Variants in PRTFDC1 observed in about 807,000 individuals in gnomAD.
PRTFDC1 encodes phosphoribosyltransferase domain-containing protein 1.
PRTFDC1 carries 38 observed loss-of-function variants against 34.6 expected under a neutral mutation model. The observed-to-expected ratio is 1.10, with a 90% CI of 0.85 to 1.44. The LOEUF is 1.44. Among genes scored for constraint, PRTFDC1 ranks in the 40% most tolerant of loss-of-function variants. The pLI, the probability that PRTFDC1 is intolerant of heterozygous loss-of-function variation, is 0.00. For synonymous variants in PRTFDC1, 93 were observed against 98.1 expected, an observed-to-expected ratio of 0.95 and a Z score of 0.31; for missense variants, 270 against 283.0, an observed-to-expected ratio of 0.95 and a Z score of 0.33.
At chr10:24,851,926 G>A (rs1452384649) in intron 7 of PRTFDC1, among the ~76,000 whole-genome samples, 1 of 151,934 alleles carries the variant, frequency 6.6e-6, no homozygotes, top group Non-Finnish European at 1.5e-5. Context: ...TTCTCCCGCT[G>A]TACTCAGTGT....
intron 4 of PRTFDC1, among the ~76,000 whole-genome samples, chr10:24,859,468 C>T (rs750155793): frequency 5.3e-5 from 8 of 152,146 alleles, no homozygotes; most frequent in South Asian, 2.1e-4. Context: ...CCATGTTGGC[C>T]AGGCTGAGCT....
intron 4 of PRTFDC1, 93 bp downstream of exon 4, chr10:24,871,905 A>T: frequency 9.5e-7 from 1 of 1,055,334 alleles, no homozygotes; most frequent in Non-Finnish European, 1.4e-6. Flanking sequence ...ACCCGGGAGC[A>T]TGTCTGAAAT....
chr10:24,919,786 TA>T (rs201829359), intron 3 of PRTFDC1, among the ~76,000 whole-genome samples: 38 of 149,094 alleles, frequency 2.5e-4, no homozygotes, highest in Admixed American at 6.0e-4. Context: ...AAATTTACAT[TA>T]AAAAAAAACC....
chr10:24,920,698 AT>A (rs909271461), intron 3 of PRTFDC1, among the ~76,000 whole-genome samples: 1 of 151,390 alleles, frequency 6.6e-6, no homozygotes, highest in East Asian at 1.9e-4. Flanking sequence ...ATAAAATTCA[AT>A]TTTTTTTTCA....
At chr10:24,923,329 C>T (rs546962367) in intron 3 of PRTFDC1, among the ~76,000 whole-genome samples, 77 of 152,322 alleles carry the variant, frequency 5.1e-4, no homozygotes, top group African/African-American at 1.8e-3. Context: ...GCTCTGAGAA[C>T]GGACAGACTG....
chr10:24,860,247 G>C (rs1196972553), intron 4 of PRTFDC1, among the ~76,000 whole-genome samples: 1 of 152,092 alleles, frequency 6.6e-6, no homozygotes, highest in East Asian at 1.9e-4. Context: ...TGGGTGTGGT[G>C]GTAGGTGACT....
intron 4 of PRTFDC1, among the ~76,000 whole-genome samples, chr10:24,862,246 C>A (rs1278088025): frequency 6.6e-6 from 1 of 152,110 alleles, no homozygotes; most frequent in African/African-American, 2.4e-5. Context: ...ACTATATATT[C>A]AAATTTCCCC....
chr10:24,902,753 C>T (rs890990599), intron 3 of PRTFDC1, among the ~76,000 whole-genome samples: 1 of 152,186 alleles, frequency 6.6e-6, no homozygotes. Context: ...AGTTAGATTT[C>T]CTTCTTCCTC....
intron 3 of PRTFDC1, among the ~76,000 whole-genome samples, chr10:24,875,846 GTTTTTTTTTTT>G (rs61379088): frequency 1.0e-5 from 1 of 96,732 alleles, no homozygotes; most frequent in Non-Finnish European, 1.9e-5. Context: ...AATTCTCATA[GTTTTTTTTTTT>G]TTTTTTTTTT....
chr10:24,936,965 C>T (rs565811424), intron 3 of PRTFDC1, among the ~76,000 whole-genome samples: 1 of 152,236 alleles, frequency 6.6e-6, no homozygotes, highest in African/African-American at 2.4e-5. Context: ...TGAGTCTTCC[C>T]ATATATGTGA....
chr10:24,862,615 T>C (rs1847699937), intron 4 of PRTFDC1, among the ~76,000 whole-genome samples: 1 of 152,106 alleles, frequency 6.6e-6, no homozygotes, highest in African/African-American at 2.4e-5. Context: ...CCTCAGGTGA[T>C]CTGCCCCTCT....
intron 3 of PRTFDC1, among the ~76,000 whole-genome samples, chr10:24,934,687 G>T (rs970605838): frequency 6.6e-6 from 1 of 152,098 alleles, no homozygotes; most frequent in African/African-American, 2.4e-5. Flanking sequence ...GCTTCTAGTT[G>T]TCCCACATTT....
intron 3 of PRTFDC1, 142 bp downstream of exon 3, chr10:24,937,042 G>T (rs982566591): frequency 2.6e-6 from 2 of 772,376 alleles, no homozygotes. Context: ...TTAGGTTGCC[G>T]TATTCTTGCA....
chr10:24,931,149 C>T (rs940114637), intron 3 of PRTFDC1, among the ~76,000 whole-genome samples: 8 of 151,900 alleles, frequency 5.3e-5, no homozygotes, highest in African/African-American at 1.9e-4. Context: ...ACGAGACAAC[C>T]AATGAGTGAA....
intron 3 of PRTFDC1, chr10:24,908,549 G>A (rs1848574454): frequency 1.9e-6 from 3 of 1,612,720 alleles, no homozygotes; most frequent in African/African-American, 2.7e-5. Context: ...GTGGAAACAG[G>A]GAATGAGCAC....
At chr10:24,867,293 A>G (rs74122885) in intron 4 of PRTFDC1, among the ~76,000 whole-genome samples, 2,037 of 152,190 alleles carry the variant, frequency 0.013, 54 homozygotes, top group African/African-American at 0.047. Context: ...TTTTGATACC[A>G]CGATTCCTTC....
chr10:24,951,770 C>T (rs1035627196), intron 1 of PRTFDC1, among the ~76,000 whole-genome samples: 2 of 152,158 alleles, frequency 1.3e-5, no homozygotes, highest in Non-Finnish European at 2.9e-5. Flanking sequence ...TCCTAGCACA[C>T]TGAGAGATGG....
chr10:24,909,738 C>G (rs1364007656), intron 3 of PRTFDC1, among the ~76,000 whole-genome samples: 1 of 152,176 alleles, frequency 6.6e-6, no homozygotes, highest in Non-Finnish European at 1.5e-5. Context: ...TTTATCTCAC[C>G]TCCTACTGAA....
chr10:24,882,795 C>G (rs1389029509), intron 3 of PRTFDC1, among the ~76,000 whole-genome samples: 1 of 151,312 alleles, frequency 6.6e-6, no homozygotes, highest in East Asian at 1.9e-4. Context: ...TGTGTGCCAC[C>G]ATGCCCCACA....
Sources: allele counts gnomAD v4.1 joint callset (sites outside exome capture counted in the v4.1 genomes callset), GRCh38; gene constraint gnomAD v4.1.1; transcripts MANE v1.5; gene names NCBI Gene and HGNC (gene_info 2026-07-23, HGNC 2026-07-21).